Variants in BZW2 observed in about 807,000 individuals in gnomAD.
BZW2 encodes the protein basic leucine zipper and W2 domains 2.
BZW2 carries 23 observed loss-of-function variants against 53.2 expected under a neutral mutation model. The ratio of observed to expected loss-of-function variants is 0.43; its 90% CI spans 0.31 to 0.61. BZW2 has a LOEUF of 0.61. Ranked by LOEUF, BZW2 falls within the 20% of genes least tolerant of loss-of-function variation. BZW2 has a pLI of 0.09. For synonymous variants in BZW2, 227 were observed against 186.4 expected (o/e 1.22, Z -1.77); for missense variants, 409 against 503.1 (o/e 0.81, Z 1.79).
At chr7:16,693,151 C>T (rs1783369327) in intron 7 of BZW2, among the ~76,000 whole-genome samples, 1 of 152,110 alleles carries the variant, frequency 6.6e-6, no homozygotes, top group Non-Finnish European at 1.5e-5. Context: ...CTCTTGCTGT[C>T]ACTTTGGGAA....
intron 1 of BZW2, among the ~76,000 whole-genome samples, chr7:16,660,853 C>T (rs886539318): frequency 5.9e-5 from 9 of 152,152 alleles, no homozygotes; most frequent in African/African-American, 1.9e-4. Context: ...CAAAGGACCT[C>T]CTGGGGGTCC....
chr7:16,686,131 G>A (rs753516438), intron 6 of BZW2, 91 bp downstream of exon 6: 71 of 1,522,820 alleles, frequency 4.7e-5, no homozygotes, highest in Non-Finnish European at 6.1e-5. Context: ...TCTTTTTGGT[G>A]TCCTCTATTA....
intron 1 of BZW2, among the ~76,000 whole-genome samples, chr7:16,649,052 TCTC>T (rs1781928928): frequency 6.6e-6 from 1 of 152,162 alleles, no homozygotes; most frequent in Admixed American, 6.5e-5. Flanking sequence ...CCTTTAATTC[TCTC>T]TTCTTATGGA....
chr7:16,692,861 C>T (rs1783356994), intron 7 of BZW2, among the ~76,000 whole-genome samples: 1 of 152,102 alleles, frequency 6.6e-6, no homozygotes, highest in Non-Finnish European at 1.5e-5. Context: ...GATAAGATGA[C>T]ATTGGTGTAA....
At chr7:16,651,301 C>G (rs888791250) in intron 1 of BZW2, among the ~76,000 whole-genome samples, 3 of 152,128 alleles carry the variant, frequency 2.0e-5, no homozygotes, top group Non-Finnish European at 2.9e-5. Flanking sequence ...AAATAAATCT[C>G]AAGAAAAGCC....
At chr7:16,701,883 A>C (rs995679853) in intron 10 of BZW2, among the ~76,000 whole-genome samples, 20 of 152,126 alleles carry the variant, frequency 1.3e-4, no homozygotes, top group Non-Finnish European at 2.4e-4. Flanking sequence ...TAAGCCTCAC[A>C]CAGAGGGTGT....
At chr7:16,674,383 G>T in intron 2 of BZW2, 29 bp from the exon 3 acceptor site, 2 of 1,466,286 alleles carry the variant, frequency 1.4e-6, no homozygotes, top group South Asian at 1.3e-5. Context: ...TTATTTATTT[G>T]ACTGTTATTT....
At position 16,686,001 on chromosome 7, in the gene BZW2, A is replaced by G. The variant is rs1297341046; in HGVS notation, c.502A>G (p.Ile168Val). ...LLGNGTLPATILTSLFTDSLV... is the reference protein window; with the variant it reads ...LLGNGTLPATVLTSLFTDSLV... ...GGGCAATGGCACCCTGCCCGCCACC[A>G]TCCTCACCAGTCTCTTCACCGACAG... The change falls in exon 6 of 12, where the codon ATC (isoleucine) becomes GTC (valine). Residue 168 changes from isoleucine (I) to valine (V), a missense_variant. By Grantham distance (29) the Ile-to-Val change is conservative. Transcript: ENST00000258761. 3 of 1,607,274 alleles carry G rather than the reference A, an allele frequency of 1.9e-6. No homozygotes were observed. The highest frequency in any genetic ancestry group is 2.2e-5 in the East Asian group (1 of 44,660).
intron 4 of BZW2, 73 bp downstream of exon 4, chr7:16,681,477 C>A (rs1782944606): frequency 1.6e-6 from 2 of 1,221,530 alleles, no homozygotes; most frequent in Non-Finnish European, 2.3e-6. Flanking sequence ...TACAGTCCAC[C>A]CACTTTTTAA....
intron 9 of BZW2, 87 bp from the exon 10 acceptor site, chr7:16,697,961 C>A: frequency 7.3e-6 from 11 of 1,510,346 alleles, no homozygotes; most frequent in Non-Finnish European, 9.0e-6. Context: ...TTCTAAGCAA[C>A]CCTCCAGGTT....
intron 3 of BZW2, among the ~76,000 whole-genome samples, chr7:16,677,292 G>A (rs1782796176): frequency 6.6e-6 from 1 of 152,156 alleles, no homozygotes. Flanking sequence ...TCGGGTGTGA[G>A]CTAAGTTGCA....
chr7:16,646,264 G>A lies in BZW2; in HGVS notation c.-32G>A. The A allele has an allele frequency of 3.5e-6, 1 of 281,754 alleles. No homozygotes were observed. Among genetic ancestry groups the A allele is most frequent in the Non-Finnish European group, 7.2e-6 (1 of 138,686 alleles). 17.5% of individuals were successfully genotyped at this position (281,754 alleles called of 1,614,324 possible). ...GAATCGCCGCAGCCCCCAGCCTTGC[G>A]CGTCGTCGCTACCTCCTCGGACAGG... is the stretch of plus-strand genomic sequence containing the variant. On this transcript the variant is annotated 5_prime_UTR_variant, in exon 1 of 12. Coordinates refer to ENST00000258761, the MANE Select transcript of BZW2 (RefSeq NM_014038.3).
intron 1 of BZW2, among the ~76,000 whole-genome samples, chr7:16,652,583 C>T (rs1482051576): frequency 6.6e-6 from 1 of 151,706 alleles, no homozygotes; most frequent in Non-Finnish European, 1.5e-5. Context: ...ATGGTGTGAT[C>T]TCGGCTGACT....
chr7:16,647,847 C>G (rs1189432738), intron 1 of BZW2, among the ~76,000 whole-genome samples: 1 of 152,220 alleles, frequency 6.6e-6, no homozygotes, highest in South Asian at 2.1e-4. Context: ...TTGGGTACTT[C>G]ATTGCTAGTA....
intron 1 of BZW2, among the ~76,000 whole-genome samples, chr7:16,652,344 A>G (rs1465457273): frequency 6.6e-6 from 1 of 152,188 alleles, no homozygotes; most frequent in Non-Finnish European, 1.5e-5. Context: ...ACTGGAGACA[A>G]TCAGTGCTTG....
At chr7:16,695,396 A>G (rs749231682) in intron 8 of BZW2, among the ~76,000 whole-genome samples, 6 of 152,146 alleles carry the variant, frequency 3.9e-5, no homozygotes, top group Non-Finnish European at 5.9e-5. Flanking sequence ...TTAACACTGG[A>G]TTTTTTGTTC....
intron 1 of BZW2, among the ~76,000 whole-genome samples, chr7:16,648,322 T>A (rs1441396706): frequency 6.6e-6 from 1 of 152,234 alleles, no homozygotes; most frequent in African/African-American, 2.4e-5. Context: ...ATTCTAGTGT[T>A]ATGACAACCC....
intron 1 of BZW2, among the ~76,000 whole-genome samples, chr7:16,652,508 T>C (rs776388136): frequency 6.0e-5 from 9 of 151,002 alleles, no homozygotes; most frequent in Admixed American, 1.3e-4. Flanking sequence ...TGAATGATTC[T>C]CTGTAGGTTT....
At chr7:16,664,527 A>G (rs1421021130) in intron 1 of BZW2, among the ~76,000 whole-genome samples, 1 of 152,220 alleles carries the variant, frequency 6.6e-6, no homozygotes, top group East Asian at 1.9e-4. Context: ...GAAGAACAAC[A>G]AAGAGATCAA....
Sources: allele counts gnomAD v4.1 joint callset (sites outside exome capture counted in the v4.1 genomes callset), GRCh38; gene constraint gnomAD v4.1.1; transcripts MANE v1.5; gene names NCBI Gene and HGNC (gene_info 2026-07-23, HGNC 2026-07-21).